KDM5B: variants seen among roughly 807,000 people sequenced by gnomAD.
KDM5B encodes the protein lysine demethylase 5B.
A neutral mutation model predicts 193.4 loss-of-function variants in KDM5B; 144 were observed. That is an observed-to-expected ratio of 0.74 (90% CI 0.65 to 0.86). The LOEUF (loss-of-function observed/expected upper bound fraction) is 0.86, where lower values mean the gene tolerates loss of function less well. Among genes scored for constraint, KDM5B ranks in the 40% least tolerant of loss-of-function variants. The pLI is 0.00. For missense variants in KDM5B, 1,833 were observed against 1,886.9 expected (o/e 0.97, Z 0.53); for synonymous variants, 668 against 682.6 (o/e 0.98, Z 0.33).
At chr1:202,791,530 T>C (rs4351714) in intron 1 of KDM5B, among the ~76,000 whole-genome samples, 93,453 of 151,912 alleles carry the variant, frequency 0.62, 31,667 homozygotes, top group Middle Eastern at 0.77. Flanking sequence ...CTCATTCTCA[T>C]TCTACACACC....
chr1:202,752,835 A>G, intron 12 of KDM5B, 70 bp downstream of exon 12: 1 of 1,418,930 alleles, frequency 7.0e-7, no homozygotes, highest in Non-Finnish European at 9.7e-7. Flanking sequence ...ATCATAAAAA[A>G]GTGAATAAAA....
intron 3 of KDM5B, among the ~76,000 whole-genome samples, chr1:202,774,107 G>A (rs184484204): frequency 6.6e-6 from 1 of 152,132 alleles, no homozygotes; most frequent in Non-Finnish European, 1.5e-5. Flanking sequence ...AAAAGAAATA[G>A]CTTGCAGAAT....
chr1:202,780,775 C>T (rs892844576), intron 1 of KDM5B, among the ~76,000 whole-genome samples: 1 of 138,582 alleles, frequency 7.2e-6, no homozygotes, highest in Non-Finnish European at 1.6e-5. Flanking sequence ...GTAATTGCAG[C>T]TTTTGCCATT....
At position 202,745,971 on chromosome 1, in the gene KDM5B, G is replaced by A. The variant is rs1469607111; in HGVS notation, c.2210C>T (p.Thr737Met). Residue 737 changes from threonine to methionine, a missense_variant, in exon 16 of 27, where the codon ACG becomes ATG. By Grantham distance (81) the Thr-to-Met change is moderately conservative. Coordinates refer to ENST00000367265, the MANE Select transcript of KDM5B (RefSeq NM_006618.5). Reference sequence around the variant, plus strand: ...CATCATAGGGTAGAGATCATCCAGCGTGTACCTATACCTGGAAATAATACC... The same window carrying A: ...CATCATAGGGTAGAGATCATCCAGCATGTACCTATACCTGGAAATAATACC... ...PYKYKLRYRY[T>M]LDDLYPMMNA... 9.3e-6 allele frequency: 15 copies of A among 1,613,580 alleles called. No homozygotes were observed. The highest frequency in any genetic ancestry group is 8.9e-5 in the East Asian group (4 of 44,888).
chr1:202,763,425 G>C (rs1435070717), intron 6 of KDM5B, among the ~76,000 whole-genome samples: 4 of 152,162 alleles, frequency 2.6e-5, no homozygotes, highest in South Asian at 2.1e-4. Context: ...ACTAGTTAGC[G>C]GTTGTGCCAA....
At chr1:202,802,107 A>G (rs1325858604) in intron 1 of KDM5B, among the ~76,000 whole-genome samples, 4 of 152,134 alleles carry the variant, frequency 2.6e-5, no homozygotes. Flanking sequence ...GGATGAAAGC[A>G]AGGTACTCCT....
Position 202,725,098 on chromosome 1 carries a change from C to T in KDM5B, c.*3938G>A, listed in dbSNP as rs1388502954. On this transcript the variant is annotated 3_prime_UTR_variant, in exon 27 of 27. Coordinates refer to ENST00000367265, the MANE Select transcript of KDM5B (RefSeq NM_006618.5). ...GTTATCCTGAAAATAAGAAACACAC[C>T]GAAACTCACCACTTTCTAGCCCTTC... 6.6e-6 allele frequency: 1 copy of T among 152,116 alleles called. No individual in the cohort carries two copies. The highest frequency in any genetic ancestry group is 1.9e-4 in the East Asian group (1 of 5,188). 9.4% of individuals were successfully genotyped at this position (152,116 alleles called of 1,614,324 possible). A position where few individuals can be genotyped will look rare whatever the true frequency, so the allele number is the denominator to read the frequency against.
At chr1:202,768,854 A>AT (rs1656585300) in intron 4 of KDM5B, among the ~76,000 whole-genome samples, 1 of 150,718 alleles carries the variant, frequency 6.6e-6, no homozygotes, top group African/African-American at 2.4e-5. Flanking sequence ...AGTAGCTGGG[A>AT]TTACAGGCAT....
At chr1:202,741,207 C>A (rs1655323046) in intron 19 of KDM5B, among the ~76,000 whole-genome samples, 160 bp downstream of exon 19, 1 of 152,222 alleles carries the variant, frequency 6.6e-6, no homozygotes, top group Non-Finnish European at 1.5e-5. Context: ...TTACTCAGGT[C>A]CCAAAGCAGC....
At chr1:202,773,807 G>A (rs1303300909) in intron 3 of KDM5B, among the ~76,000 whole-genome samples, 2 of 151,264 alleles carry the variant, frequency 1.3e-5, no homozygotes, top group Admixed American at 6.6e-5. Context: ...GCGCAATCTC[G>A]GCTCACTGCA....
At position 202,773,838 on chromosome 1, in the gene KDM5B, G is replaced by A. The variant is rs192509889; in HGVS notation, c.406-550C>T. Among the ~76,000 whole-genome samples the A allele has an allele frequency of 9.0e-4, 137 of 151,880 alleles. 1 individual carries two copies. The East Asian group carries it at 0.017, about 18-fold the overall frequency. ...CTGCAACCTCCGCCTCCTGGATTCAGGCGATTTTCCTGCCTCAGCCTCCCG... is the reference window on the plus strand; with the variant it reads ...CTGCAACCTCCGCCTCCTGGATTCAAGCGATTTTCCTGCCTCAGCCTCCCG... On this transcript the variant is annotated intron_variant, in intron 3 of 26. Coordinates refer to ENST00000367265, the MANE Select transcript of KDM5B (RefSeq NM_006618.5).
chr1:202,745,743 G>T, intron 16 of KDM5B, 115 bp downstream of exon 16: 1 of 1,186,698 alleles, frequency 8.4e-7, no homozygotes, highest in Non-Finnish European at 1.2e-6. Flanking sequence ...TATGTAGAGG[G>T]GCTAACCAAG....
rs1233956216 is a variant in KDM5B at position 202,790,788 on chromosome 1, C to T, written c.205-13694G>A. ...GAGTTGCAAGAACCTACACCCTAGG[C>T]CCCTTTTGCCCTTCCACATAGCATT... On this transcript the variant is annotated intron_variant, in intron 1 of 26. Coordinates refer to ENST00000367265, the MANE Select transcript of KDM5B (RefSeq NM_006618.5). 3.9e-5 allele frequency among the ~76,000 whole-genome samples: 6 copies of T among 152,072 alleles called. No individual in the cohort carries two copies. In the East Asian group the frequency reaches 7.7e-4, roughly 20 times the overall value.
In KDM5B at chr1:202,741,439, A is replaced by G. The variant is rs761377778; in HGVS notation, c.2873T>C (p.Met958Thr). ...LAPYSAVEKA[M>T]ARLQELLTVS... ...TGTGAGCAGTTCCTGCAGCCGGGCC[A>G]TAGCTTTCTCCACTGCTGAATACGG... Residue 958 changes from methionine (M) to threonine (T), a missense_variant, in exon 19 of 27, where the codon ATG becomes ACG. Around this residue, in one of 3 missense-constraint regions of KDM5B, gnomAD observed 1,379 missense variants for 1,349.6 expected, o/e 1.02. Transcript: ENST00000367265. 4 of 1,609,702 alleles carry G rather than the reference A, an allele frequency of 2.5e-6. No individual in the cohort carries two copies. In the African/African-American group the frequency reaches 5.4e-5, roughly 22 times the overall value.
chr1:202,803,308 C>T (rs1392040212), intron 1 of KDM5B, among the ~76,000 whole-genome samples: 2 of 152,126 alleles, frequency 1.3e-5, no homozygotes, highest in South Asian at 2.1e-4. Flanking sequence ...GAAATTTTTC[C>T]AGTGGGGGTG....
chr1:202,770,554 G>A (rs984307649), intron 4 of KDM5B, among the ~76,000 whole-genome samples: 6 of 152,146 alleles, frequency 3.9e-5, no homozygotes, highest in African/African-American at 1.4e-4. Context: ...TAAAAAACTA[G>A]AACTGACCTA....
At position 202,774,655 on chromosome 1, in the gene KDM5B, T is replaced by G; in HGVS notation, c.363A>C (p.Pro121=). ...WELQGSTLKI[P]HVERKILDLF... ...AGTCCAAGATCTTCCTCTCCACATG[T>G]GGAATTTTCAGAGTACTTCCCTGTA... Residue 121 remains proline (P), a synonymous_variant, in exon 3 of 27, where the codon CCA becomes CCC. Coordinates refer to ENST00000367265, the MANE Select transcript of KDM5B (RefSeq NM_006618.5). 2 of 1,612,896 alleles carry G rather than the reference T, an allele frequency of 1.2e-6. No individual in the cohort carries two copies. The highest frequency in any genetic ancestry group is 1.7e-6 in the Non-Finnish European group (2 of 1,178,852).
chr1:202,752,792 G>T, intron 12 of KDM5B, 113 bp downstream of exon 12: 1 of 1,006,592 alleles, frequency 9.9e-7, no homozygotes, highest in African/African-American at 1.6e-5. Context: ...CTGCTATCAA[G>T]TCATGCTATG....
intron 7 of KDM5B, among the ~76,000 whole-genome samples, chr1:202,761,789 T>C (rs1300704984): frequency 6.6e-6 from 1 of 152,198 alleles, no homozygotes; most frequent in Non-Finnish European, 1.5e-5. Flanking sequence ...AAAAAATAAA[T>C]TTCTGTTGTT....
Sources: allele counts gnomAD v4.1 joint callset (sites outside exome capture counted in the v4.1 genomes callset), GRCh38; gene constraint gnomAD v4.1.1; regional missense constraint gnomAD v4.1.1; transcripts MANE v1.5; gene names NCBI Gene and HGNC (gene_info 2026-07-23, HGNC 2026-07-21).